GABRB1: variants seen among roughly 807,000 people sequenced by gnomAD.
GABRB1 encodes the protein gamma-aminobutyric acid type A receptor subunit beta1, also known as gamma-aminobutyric acid receptor subunit beta-1.
A neutral mutation model predicts 51.6 loss-of-function variants in GABRB1; 17 were observed. The ratio of observed to expected loss-of-function variants is 0.33; its 90% confidence interval spans 0.23 to 0.49. The LOEUF (loss-of-function observed/expected upper bound fraction) is 0.49. Among genes scored for constraint, GABRB1 ranks in the 20% least tolerant of loss-of-function variants. The pLI is 0.99. For synonymous variants in GABRB1, 247 were observed against 218.9 expected, an observed-to-expected ratio of 1.13 and a Z score of -1.14; for missense variants, 410 against 600.6, an observed-to-expected ratio of 0.68 and a Z score of 3.32.
chr4:47,037,838 G>A (rs750196102), intron 3 of GABRB1, among the ~76,000 whole-genome samples: 6 of 152,072 alleles, frequency 3.9e-5, no homozygotes, highest in East Asian at 1.9e-4. Context: ...CTGAGAGAGC[G>A]GGAAATGTTG....
intron 3 of GABRB1, among the ~76,000 whole-genome samples, chr4:47,049,406 G>A (rs7686328): frequency 0.51 from 77,341 of 151,844 alleles, 19,886 homozygotes; most frequent in African/African-American, 0.54. Flanking sequence ...CTAATCAGAC[G>A]ACCAATTTTT....
chr4:47,360,669 T>C (rs772156650), intron 5 of GABRB1, among the ~76,000 whole-genome samples: 1 of 152,120 alleles, frequency 6.6e-6, no homozygotes, highest in African/African-American at 2.4e-5. Context: ...ATGTAAAATC[T>C]CTATTATTAC....
chr4:47,304,799 T>G (rs769694607), intron 4 of GABRB1, among the ~76,000 whole-genome samples: 3 of 152,086 alleles, frequency 2.0e-5, no homozygotes, highest in Non-Finnish European at 4.4e-5. Context: ...TACTAAAATC[T>G]GCCAGAAAAT....
intron 4 of GABRB1, among the ~76,000 whole-genome samples, chr4:47,241,293 G>A (rs1721509621): frequency 6.6e-6 from 1 of 152,122 alleles, no homozygotes; most frequent in South Asian, 2.1e-4. Flanking sequence ...CTAAAATGTT[G>A]TAGGATGAGA....
At chr4:47,206,360 G>A (rs1640811798) in intron 4 of GABRB1, among the ~76,000 whole-genome samples, 1 of 151,942 alleles carries the variant, frequency 6.6e-6, no homozygotes, top group South Asian at 2.1e-4. Context: ...ATGGAAGCTG[G>A]ATGGCATTTG....
chr4:47,360,936 A>G (rs1019689223), intron 5 of GABRB1, among the ~76,000 whole-genome samples: 1 of 152,114 alleles, frequency 6.6e-6, no homozygotes, highest in African/African-American at 2.4e-5. Context: ...ATGTTAATTT[A>G]TTTACCTCTC....
At chr4:47,104,933 A>G (rs1714892642) in intron 3 of GABRB1, among the ~76,000 whole-genome samples, 1 of 152,004 alleles carries the variant, frequency 6.6e-6, no homozygotes, top group Non-Finnish European at 1.5e-5. Context: ...ATCTGGTCCT[A>G]TACATTTTTT....
At chr4:47,031,859 T>A (rs1349465241) in intron 1 of GABRB1, 55 bp from the exon 2 acceptor site, 3 of 1,547,854 alleles carry the variant, frequency 1.9e-6, no homozygotes, top group African/African-American at 1.4e-5. Flanking sequence ...TATCTTTTTA[T>A]ATGTGCTCAC....
intron 3 of GABRB1, among the ~76,000 whole-genome samples, chr4:47,116,850 T>A (rs1282772161): frequency 2.6e-5 from 4 of 152,080 alleles, no homozygotes. Context: ...TCAGGGAAAC[T>A]TACAATCATG....
intron 4 of GABRB1, among the ~76,000 whole-genome samples, chr4:47,297,803 C>T (rs564108196): frequency 3.3e-5 from 5 of 152,058 alleles, no homozygotes; most frequent in Admixed American, 1.3e-4. Context: ...GAGACACAAC[C>T]AAAAAAGAGA....
intron 5 of GABRB1, among the ~76,000 whole-genome samples, chr4:47,392,867 G>C (rs1728052366): frequency 6.6e-6 from 1 of 152,254 alleles, no homozygotes; most frequent in Non-Finnish European, 1.5e-5. Flanking sequence ...CCCTAGAAGA[G>C]AAAGAAGGTA....
chr4:47,028,945 G>A (rs1725193035), upstream of GABRB1, among the ~76,000 whole-genome samples: 1 of 150,490 alleles, frequency 6.6e-6, no homozygotes, highest in African/African-American at 2.4e-5. Flanking sequence ...TAAAATTTAT[G>A]TTATCATGGC....
At chr4:46,993,704 G>A (rs1365731575), upstream of GABRB1, 1 of 346,124 alleles carries the variant, frequency 2.9e-6, no homozygotes, top group African/African-American at 2.2e-5. Flanking sequence ...GCGCGCTGAA[G>A]GTTCTGGGGT....
intron 8 of GABRB1, 33 bp downstream of exon 8, chr4:47,406,959 G>C (rs1261589672): frequency 6.3e-7 from 1 of 1,594,212 alleles, no homozygotes; most frequent in Non-Finnish European, 8.6e-7. Flanking sequence ...CAATATTCTT[G>C]TTAAATTTAT....
At chr4:47,143,448 C>G (rs891679252) in intron 3 of GABRB1, among the ~76,000 whole-genome samples, 19 of 151,828 alleles carry the variant, frequency 1.3e-4, no homozygotes, top group African/African-American at 4.6e-4. Context: ...ACAGGAGGAA[C>G]AGGCACACAC....
chr4:47,353,152 A>G (rs1406183306), intron 5 of GABRB1, among the ~76,000 whole-genome samples: 3 of 152,280 alleles, frequency 2.0e-5, no homozygotes, highest in African/African-American at 4.8e-5. Context: ...TATGGGGGAA[A>G]CCACCCCCAT....
chr4:47,406,931 G>T lies in GABRB1; in HGVS notation c.1080+5G>T, dbSNP rs772396298. 5 of 1,612,208 alleles carry T rather than the reference G, an allele frequency of 3.1e-6. No individual in the cohort carries two copies. In the South Asian group the frequency reaches 5.5e-5, roughly 18 times the overall value. On this transcript the variant is annotated splice_donor_5th_base_variant and intron_variant, in intron 8 of 8. Transcript: ENST00000295454. ...CTGGAGATGAATAAAGTCCAGGTAA[G>T]ATATTAAATATTCCTAACAATATTC... is the stretch of plus-strand genomic sequence containing the variant.
At chr4:47,066,192 T>A (rs1383024418) in intron 3 of GABRB1, among the ~76,000 whole-genome samples, 1 of 152,234 alleles carries the variant, frequency 6.6e-6, no homozygotes, top group East Asian at 1.9e-4. Context: ...TTACAGTCTA[T>A]TAAGTGTGCA....
At chr4:47,425,603 T>G in intron 8 of GABRB1, 71 bp from the exon 9 acceptor site, 2 of 1,171,114 alleles carry the variant, frequency 1.7e-6, no homozygotes, top group South Asian at 2.9e-5. Context: ...TGGGGTATCA[T>G]TAGTAACAGG....
Sources: allele counts gnomAD v4.1 joint callset (sites outside exome capture counted in the v4.1 genomes callset), GRCh38; gene constraint gnomAD v4.1.1; transcripts MANE v1.5; gene names NCBI Gene and HGNC (gene_info 2026-07-23, HGNC 2026-07-21).